Variants in GPAT3 observed in about 807,000 individuals in gnomAD.
The protein encoded by GPAT3 is 1-AGP acyltransferase 9.
GPAT3 carries 53 observed loss-of-function variants against 58.8 expected under a neutral mutation model. The ratio of observed to expected loss-of-function variants is 0.90; its 90% CI spans 0.72 to 1.13. The LOEUF (loss-of-function observed/expected upper bound fraction) is 1.13, where lower values mean the gene tolerates loss of function less well. Ranked by LOEUF, GPAT3 falls within the 50% of genes most tolerant of loss-of-function variation. The pLI is 0.00. For missense variants in GPAT3, 511 were observed against 527.6 expected (o/e 0.97, Z 0.31); for synonymous variants, 197 against 187.4 (o/e 1.05, Z -0.42).
chr4:83,574,326 G>A (rs1402433294), intron 2 of GPAT3, among the ~76,000 whole-genome samples: 2 of 152,216 alleles, frequency 1.3e-5, no homozygotes, highest in Non-Finnish European at 2.9e-5. Context: ...TAAATGGACT[G>A]TTATTCTAAG....
intron 2 of GPAT3, among the ~76,000 whole-genome samples, chr4:83,562,215 AT>A (rs1725185627): frequency 9.1e-5 from 2 of 21,928 alleles, no homozygotes; most frequent in African/African-American, 6.3e-4. Flanking sequence ...TATATATTAT[AT>A]ATATATATAA....
chr4:83,582,952 A>G (rs977058544), intron 3 of GPAT3, among the ~76,000 whole-genome samples: 7 of 152,178 alleles, frequency 4.6e-5, no homozygotes, highest in African/African-American at 1.7e-4. Context: ...GGAGTGTACA[A>G]GACTATCCAT....
At chr4:83,541,731 T>G (rs941382595) in intron 1 of GPAT3, among the ~76,000 whole-genome samples, 4 of 152,206 alleles carry the variant, frequency 2.6e-5, no homozygotes, top group African/African-American at 7.2e-5. Context: ...ACTGGTGGCC[T>G]AAACAACAGA....
At position 83,536,553 on chromosome 4, in the gene GPAT3, C is replaced by A; in HGVS notation, c.-70C>A. The A allele has an allele frequency of 6.4e-7, 1 of 1,560,558 alleles. No homozygotes were observed. The highest frequency in any genetic ancestry group is 8.7e-7 in the Non-Finnish European group (1 of 1,151,440). ...TGCTCCTGGAGCTCCCGCGGGACTGCCTGGGGACAGGGACTGCTGTGGCGC... is the reference window on the plus strand; with the variant it reads ...TGCTCCTGGAGCTCCCGCGGGACTGACTGGGGACAGGGACTGCTGTGGCGC... On this transcript the variant is annotated 5_prime_UTR_variant, in exon 1 of 12. Coordinates refer to ENST00000264409, the MANE Select transcript of GPAT3 (RefSeq NM_032717.5).
chr4:83,570,947 C>T (rs975999671), intron 2 of GPAT3, among the ~76,000 whole-genome samples: 1 of 152,208 alleles, frequency 6.6e-6, no homozygotes, highest in Admixed American at 6.5e-5. Flanking sequence ...TCAAAGTTCT[C>T]TTAAGCCCCT....
intron 11 of GPAT3, among the ~76,000 whole-genome samples, chr4:83,599,889 A>G (rs1726991853): frequency 6.6e-6 from 1 of 152,246 alleles, no homozygotes. Context: ...GTACATAGCT[A>G]TGATAAAGCT....
At chr4:83,591,699 C>G (rs1726606463) in intron 6 of GPAT3, among the ~76,000 whole-genome samples, 1 of 152,162 alleles carries the variant, frequency 6.6e-6, no homozygotes, top group Admixed American at 6.5e-5. Flanking sequence ...TATGTGGACA[C>G]TTTCATGCAT....
intron 4 of GPAT3, 102 bp from the exon 5 acceptor site, chr4:83,588,108 A>G (rs1726452043): frequency 5.5e-6 from 5 of 908,662 alleles, no homozygotes; most frequent in Non-Finnish European, 8.7e-6. Context: ...TCACCAGAAT[A>G]GAATGTGGTA....
chr4:83,549,479 A>G (rs556573761), intron 2 of GPAT3, among the ~76,000 whole-genome samples: 2,268 of 148,930 alleles, frequency 0.015, 63 homozygotes, highest in African/African-American at 0.052. Flanking sequence ...ATGTATATAT[A>G]TATGAAATAT....
In GPAT3 at chr4:83,594,968, G is replaced by A. The variant is rs1035234316; in HGVS notation, c.854+8G>A. On this transcript the variant is annotated splice_region_variant and intron_variant, in intron 7 of 11. Transcript: ENST00000264409. ...ACACCTGGTTACTAAGAGGTAAGCAGTGAAATTACTCAGCATTCACTGGAG... is the reference window on the plus strand; with the variant it reads ...ACACCTGGTTACTAAGAGGTAAGCAATGAAATTACTCAGCATTCACTGGAG... The A allele has an allele frequency of 1.9e-6, 3 of 1,611,546 alleles. No homozygotes were observed. Among genetic ancestry groups the A allele is most frequent in the Admixed American group, 1.7e-5 (1 of 59,960 alleles).
intron 2 of GPAT3, among the ~76,000 whole-genome samples, chr4:83,578,948 T>TTTTCTTTCTTTC (rs1553946757): frequency 8.3e-5 from 6 of 71,878 alleles, no homozygotes; most frequent in East Asian, 3.9e-4. Flanking sequence ...TTTTCTTTTC[T>TTTTCTTTCTTTC]TTTCTTTCTT....
At chr4:83,552,917 C>A (rs935797168) in intron 2 of GPAT3, among the ~76,000 whole-genome samples, 2 of 152,124 alleles carry the variant, frequency 1.3e-5, no homozygotes, top group Non-Finnish European at 1.5e-5. Flanking sequence ...TGTCTAGCCC[C>A]TTCCATCATG....
intron 1 of GPAT3, among the ~76,000 whole-genome samples, chr4:83,541,008 T>C (rs1485732207): frequency 1.3e-5 from 2 of 152,120 alleles, no homozygotes; most frequent in African/African-American, 4.8e-5. Flanking sequence ...GTTTTAGAGA[T>C]GATGAAATGG....
rs570651337 is a variant in GPAT3 at position 83,604,592 on chromosome 4, G to C, written c.1206-76G>C. On this transcript the variant is annotated intron_variant, in intron 11 of 11. Transcript: ENST00000264409. ...TGCCTAAGCGTCATGGTATCATGCAGCATGTAATTATTAAGTTAACTCTTT... is the reference window on the plus strand; with the variant it reads ...TGCCTAAGCGTCATGGTATCATGCACCATGTAATTATTAAGTTAACTCTTT... The C allele has an allele frequency of 6.3e-5, 73 of 1,152,272 alleles. No individual in the cohort carries two copies. In the East Asian group the frequency reaches 8.0e-4, roughly 13 times the overall value. 71.4% of individuals were successfully genotyped at this position (1,152,272 alleles called of 1,614,324 possible).
chr4:83,581,987 G>A (rs1282878136), intron 3 of GPAT3, among the ~76,000 whole-genome samples, 155 bp downstream of exon 3: 2 of 152,168 alleles, frequency 1.3e-5, no homozygotes, highest in African/African-American at 2.4e-5. Context: ...AATGTATTAC[G>A]TATCCATTTT....
Position 83,537,591 on chromosome 4 carries a change from ATG to A in GPAT3, c.141+862_141+863del, listed in dbSNP as rs113407081. On this transcript the variant is annotated intron_variant, in intron 1 of 11. Coordinates refer to ENST00000264409, the MANE Select transcript of GPAT3 (RefSeq NM_032717.5). ...AAAAAAATTTAATTATATGTATAAT[ATG>A]TGTGTGTGTGTGTGTGTGTGTGTGT... 0.016 allele frequency among the ~76,000 whole-genome samples: 2,271 copies of A among 144,894 alleles called. 95 individuals are homozygous for A. The East Asian group carries it at 0.17, about 11-fold the overall frequency.
At chr4:83,546,828 C>T (rs552985980) in intron 2 of GPAT3, among the ~76,000 whole-genome samples, 3 of 152,150 alleles carry the variant, frequency 2.0e-5, no homozygotes, top group East Asian at 1.9e-4. Flanking sequence ...GTACTGCTTT[C>T]GTCTCTGCTA....
intron 2 of GPAT3, among the ~76,000 whole-genome samples, chr4:83,545,209 G>A (rs975908161): frequency 6.6e-6 from 1 of 152,206 alleles, no homozygotes; most frequent in Non-Finnish European, 1.5e-5. Flanking sequence ...GGGAGGCTGA[G>A]GCCGGCAGAT....
chr4:83,596,060 G>A (rs1726815894), intron 7 of GPAT3, among the ~76,000 whole-genome samples: 1 of 152,186 alleles, frequency 6.6e-6, no homozygotes, highest in Non-Finnish European at 1.5e-5. Flanking sequence ...GGGAGGACAG[G>A]ACATAAGCCT....
Sources: gnomAD v4.1 joint callset for allele counts (sites outside exome capture counted in the v4.1 genomes callset) on GRCh38, gnomAD v4.1.1 for gene constraint, MANE v1.5 for transcripts, NCBI Gene and HGNC (gene_info 2026-07-23, HGNC 2026-07-21) for gene names.